Variants in NALF1 observed in about 807,000 individuals in gnomAD.
NALF1 encodes NALCN channel auxiliary factor 1, also known as family with sequence similarity 155 member A.
NALF1 carries 3 observed loss-of-function variants against 48.4 expected under a neutral mutation model. The observed-to-expected ratio is 0.06, with a 90% CI of 0.03 to 0.16. The LOEUF (loss-of-function observed/expected upper bound fraction) is 0.16. NALF1 is among the 10% of genes least tolerant of loss of function. The pLI is 1.00. For missense variants in NALF1, 526 were observed against 571.5 expected, an observed-to-expected ratio of 0.92 and a Z score of 0.81; for synonymous variants, 262 against 245.7, an observed-to-expected ratio of 1.07 and a Z score of -0.62.
chr13:107,644,638 C>CACATAT (rs1555314838), intron 1 of NALF1, among the ~76,000 whole-genome samples: 1 of 43,336 alleles, frequency 2.3e-5, no homozygotes, highest in Non-Finnish European at 5.1e-5. Flanking sequence ...TACATACATA[C>CACATAT]ATACATACAT....
intron 1 of NALF1, among the ~76,000 whole-genome samples, chr13:107,799,440 C>T (rs921811337): frequency 6.6e-6 from 1 of 152,124 alleles, no homozygotes; most frequent in Non-Finnish European, 1.5e-5. Context: ...TCAGTAAACA[C>T]CAGTTTTCTT....
chr13:107,488,067 A>T (rs1005058792), intron 1 of NALF1, among the ~76,000 whole-genome samples: 1 of 151,944 alleles, frequency 6.6e-6, no homozygotes, highest in Non-Finnish European at 1.5e-5. Context: ...AGAGATGTTT[A>T]TAATACTCTC....
intron 1 of NALF1, among the ~76,000 whole-genome samples, chr13:107,770,014 A>G (rs548883440): frequency 1.3e-5 from 2 of 152,032 alleles, no homozygotes; most frequent in Non-Finnish European, 2.9e-5. Flanking sequence ...CTGGGTTCAC[A>G]CCATTCTCCT....
chr13:107,607,071 A>T (rs576989994), intron 1 of NALF1, among the ~76,000 whole-genome samples: 1 of 152,328 alleles, frequency 6.6e-6, no homozygotes, highest in African/African-American at 2.4e-5. Flanking sequence ...TCATCAGTTA[A>T]TGGCAAAACC....
intron 1 of NALF1, among the ~76,000 whole-genome samples, chr13:107,770,853 A>T (rs1877557768): frequency 6.6e-6 from 1 of 151,966 alleles, no homozygotes; most frequent in Non-Finnish European, 1.5e-5. Flanking sequence ...TAACTTGCTG[A>T]TTTCTTTTTT....
chr13:107,700,189 T>G (rs9587428), intron 1 of NALF1, among the ~76,000 whole-genome samples: 47,341 of 151,446 alleles, frequency 0.31, 7,711 homozygotes, highest in Middle Eastern at 0.52. Context: ...AAACCCTGAA[T>G]AGACAAAGAA....
intron 1 of NALF1, among the ~76,000 whole-genome samples, chr13:107,605,965 G>A (rs1343740815): frequency 1.3e-5 from 2 of 152,160 alleles, no homozygotes; most frequent in Non-Finnish European, 2.9e-5. Flanking sequence ...ATCAAGGGAT[G>A]CAAACCTGGG....
chr13:107,505,169 C>T (rs2139082016), intron 1 of NALF1, among the ~76,000 whole-genome samples: 1 of 152,228 alleles, frequency 6.6e-6, no homozygotes, highest in Middle Eastern at 3.4e-3. Flanking sequence ...GTGATGGCAG[C>T]ACCATGGGAA....
chr13:107,751,262 T>C (rs1876930107), intron 1 of NALF1, among the ~76,000 whole-genome samples: 1 of 152,184 alleles, frequency 6.6e-6, no homozygotes, highest in Non-Finnish European at 1.5e-5. Flanking sequence ...TCACATAGCT[T>C]TGCCCACGGT....
intron 1 of NALF1, among the ~76,000 whole-genome samples, chr13:107,733,734 G>A (rs1316633041): frequency 6.6e-6 from 1 of 152,136 alleles, no homozygotes; most frequent in Non-Finnish European, 1.5e-5. Context: ...AGAGTCATTA[G>A]TGAATCTTAA....
chr13:107,454,433 G>A (rs1411520174), intron 1 of NALF1, among the ~76,000 whole-genome samples: 1 of 152,138 alleles, frequency 6.6e-6, no homozygotes, highest in African/African-American at 2.4e-5. Context: ...GCCCAACAAA[G>A]TGGGAAAGAG....
In NALF1 at chr13:107,760,568, C is replaced by T. The variant is rs140525918; in HGVS notation, c.915+105114G>A. On this transcript the variant is annotated intron_variant, in intron 1 of 2. Transcript: ENST00000375915. The stretch of plus-strand genomic sequence containing the variant: ...CTTAAGTGGACCCTAACTATTCTTC[C>T]CTTCAGCAAGTCACTGAGGCTCTTT... Among the ~76,000 whole-genome samples, 288 of 152,270 alleles carry T rather than the reference C, an allele frequency of 1.9e-3. 1 individual carries two copies. The highest frequency in any genetic ancestry group is 3.7e-3 in the Non-Finnish European group (254 of 68,014).
At chr13:107,300,895 T>C (rs1480531368) in intron 1 of NALF1, among the ~76,000 whole-genome samples, 1 of 152,150 alleles carries the variant, frequency 6.6e-6, no homozygotes, top group Non-Finnish European at 1.5e-5. Flanking sequence ...GAAGAAGAAA[T>C]ATCTAAAGCA....
intron 1 of NALF1, among the ~76,000 whole-genome samples, chr13:107,392,570 C>T (rs1468341032): frequency 5.9e-5 from 9 of 152,150 alleles, no homozygotes; most frequent in Non-Finnish European, 8.8e-5. Flanking sequence ...CAAGGTCTCT[C>T]TCTGTCTTTA....
intron 1 of NALF1, among the ~76,000 whole-genome samples, chr13:107,299,459 T>C (rs1594110051): frequency 2.1e-5 from 1 of 48,774 alleles, no homozygotes; most frequent in Non-Finnish European, 5.8e-5. Flanking sequence ...ATAATAATAA[T>C]AATAATAATA....
At chr13:107,184,347 G>A (rs1347230741) in intron 2 of NALF1, among the ~76,000 whole-genome samples, 2 of 151,922 alleles carry the variant, frequency 1.3e-5, no homozygotes, top group African/African-American at 2.4e-5. Flanking sequence ...ATTTTAATGC[G>A]CCGATGGAAA....
intron 1 of NALF1, among the ~76,000 whole-genome samples, chr13:107,711,592 A>C (rs1875594101): frequency 6.6e-6 from 1 of 152,206 alleles, no homozygotes; most frequent in South Asian, 2.1e-4. Context: ...AAGTAGATGC[A>C]TTTGCAAAGG....
At chr13:107,355,094 T>A (rs74116021) in intron 1 of NALF1, among the ~76,000 whole-genome samples, 4 of 152,304 alleles carry the variant, frequency 2.6e-5, no homozygotes, top group African/African-American at 9.6e-5. Context: ...CAGTGATCTT[T>A]GCTTGTGGGC....
chr13:107,726,452 A>T (rs1364394818), intron 1 of NALF1, among the ~76,000 whole-genome samples: 1 of 152,142 alleles, frequency 6.6e-6, no homozygotes, highest in East Asian at 1.9e-4. Flanking sequence ...AACCGAGTTC[A>T]CACTAGATAC....
Sources: allele counts gnomAD v4.1 joint callset (sites outside exome capture counted in the v4.1 genomes callset), GRCh38; gene constraint gnomAD v4.1.1; transcripts MANE v1.5; gene names NCBI Gene and HGNC (gene_info 2026-07-23, HGNC 2026-07-21).